Variants in CCSER1 observed in about 807,000 individuals in gnomAD.
CCSER1 encodes coiled-coil serine rich protein 1, also known as serine-rich coiled-coil domain-containing protein 1.
Under a neutral mutation model 82.0 loss-of-function variants are expected in CCSER1, and 41 were observed. The observed-to-expected ratio is 0.50, with a 90% confidence interval of 0.39 to 0.65. The LOEUF is 0.65. Among genes scored for constraint, CCSER1 ranks in the 30% least tolerant of loss-of-function variants. The pLI, the probability that CCSER1 is intolerant of heterozygous loss-of-function variation, is 0.00. For synonymous variants in CCSER1, 414 were observed against 383.9 expected, an observed-to-expected ratio of 1.08 and a Z score of -0.92; for missense variants, 1,119 against 1,064.2, an observed-to-expected ratio of 1.05 and a Z score of -0.72.
intron 10 of CCSER1, among the ~76,000 whole-genome samples, chr4:91,575,855 G>T (rs1250099574): frequency 2.0e-5 from 3 of 151,836 alleles, no homozygotes; most frequent in Admixed American, 1.3e-4. Flanking sequence ...ATATAAAAAG[G>T]GTTGGAAGGG....
At chr4:90,176,057 T>C (rs1398135644) in intron 1 of CCSER1, among the ~76,000 whole-genome samples, 1 of 151,928 alleles carries the variant, frequency 6.6e-6, no homozygotes, top group Non-Finnish European at 1.5e-5. Flanking sequence ...AATAGAGTGA[T>C]CTCAAGTTTT....
intron 1 of CCSER1, among the ~76,000 whole-genome samples, chr4:90,214,477 T>C (rs1008128680): frequency 2.0e-5 from 3 of 152,158 alleles, no homozygotes; most frequent in Non-Finnish European, 4.4e-5. Flanking sequence ...TAAAATGTGA[T>C]CACTCAGCAT....
chr4:91,536,732 C>T (rs541428112), intron 10 of CCSER1, among the ~76,000 whole-genome samples: 5 of 152,196 alleles, frequency 3.3e-5, no homozygotes, highest in South Asian at 4.1e-4. Flanking sequence ...GTAACCCTCT[C>T]GCTCACTTCT....
At chr4:90,351,975 A>G (rs1743528305) in intron 3 of CCSER1, among the ~76,000 whole-genome samples, 1 of 152,150 alleles carries the variant, frequency 6.6e-6, no homozygotes, top group Non-Finnish European at 1.5e-5. Context: ...TATATCCTCA[A>G]CTTTATAATT....
intron 7 of CCSER1, among the ~76,000 whole-genome samples, chr4:90,773,443 G>T (rs1752495876): frequency 6.6e-6 from 1 of 152,148 alleles, no homozygotes; most frequent in Non-Finnish European, 1.5e-5. Context: ...CACTAAAAAT[G>T]CTTGATGGGG....
chr4:91,538,698 C>CATATATTTTATATAT, intron 10 of CCSER1, among the ~76,000 whole-genome samples: 1 of 138,340 alleles, frequency 7.2e-6, no homozygotes, highest in African/African-American at 2.8e-5. Context: ...TATATATACA[C>CATATATTTTATATAT]ATATATATAT....
At chr4:91,136,898 T>G (rs1728516154) in intron 10 of CCSER1, among the ~76,000 whole-genome samples, 1 of 152,208 alleles carries the variant, frequency 6.6e-6, no homozygotes, top group Admixed American at 6.5e-5. Flanking sequence ...TGAAATAATT[T>G]GATTTTATAA....
chr4:91,441,733 G>A (rs931959598), intron 10 of CCSER1, among the ~76,000 whole-genome samples: 8 of 152,100 alleles, frequency 5.3e-5, no homozygotes, highest in Non-Finnish European at 1.2e-4. Flanking sequence ...CATTGTCTCA[G>A]CCCAAAATCT....
intron 10 of CCSER1, among the ~76,000 whole-genome samples, chr4:91,165,383 G>T (rs546344835): frequency 6.6e-6 from 1 of 152,208 alleles, no homozygotes; most frequent in Admixed American, 6.5e-5. Context: ...ACTGGGAAGT[G>T]TCAGGGACCC....
intron 8 of CCSER1, among the ~76,000 whole-genome samples, chr4:90,917,633 G>A (rs886757008): frequency 1.3e-5 from 2 of 151,924 alleles, no homozygotes; most frequent in Admixed American, 1.3e-4. Flanking sequence ...TGCACTTTGT[G>A]CACATGTACC....
At chr4:90,157,242 C>T (rs543299691) in intron 1 of CCSER1, among the ~76,000 whole-genome samples, 123 of 152,266 alleles carry the variant, frequency 8.1e-4, no homozygotes, top group East Asian at 1.4e-3. Context: ...CTGAGAGATC[C>T]GCTGTCAGTC....
intron 10 of CCSER1, among the ~76,000 whole-genome samples, chr4:91,347,487 T>A (rs1046294455): frequency 2.0e-5 from 3 of 152,094 alleles, no homozygotes; most frequent in Non-Finnish European, 4.4e-5. Context: ...ATTATTATTT[T>A]TTTTTTGCAT....
intron 1 of CCSER1, among the ~76,000 whole-genome samples, chr4:90,177,667 CA>C (rs1732953656): frequency 6.6e-6 from 1 of 152,088 alleles, no homozygotes; most frequent in Non-Finnish European, 1.5e-5. Context: ...CTAAATTCAT[CA>C]TTGCATTTGT....
At chr4:91,517,684 A>G (rs1760207679) in intron 10 of CCSER1, among the ~76,000 whole-genome samples, 1 of 151,886 alleles carries the variant, frequency 6.6e-6, no homozygotes, top group African/African-American at 2.4e-5. Flanking sequence ...ATTTGGAAGA[A>G]AGAATATACT....
At chr4:91,311,243 A>T (rs753976801) in intron 10 of CCSER1, among the ~76,000 whole-genome samples, 3 of 151,940 alleles carry the variant, frequency 2.0e-5, no homozygotes, top group Admixed American at 6.6e-5. Flanking sequence ...CCTGCTAAAA[A>T]GCTGTGCATA....
intron 1 of CCSER1, among the ~76,000 whole-genome samples, chr4:90,233,780 A>G (rs1334824104): frequency 1.3e-5 from 2 of 151,674 alleles, no homozygotes; most frequent in Non-Finnish European, 2.9e-5. Context: ...GCTGTTTATT[A>G]TCATTTGAAA....
chr4:90,748,845 G>T (rs1173833945), intron 7 of CCSER1, among the ~76,000 whole-genome samples: 1 of 149,906 alleles, frequency 6.7e-6, no homozygotes, highest in East Asian at 2.0e-4. Context: ...CTTTTGAGAA[G>T]TGTCTGTTCA....
At chr4:90,256,157 G>T (rs534176739) in intron 1 of CCSER1, among the ~76,000 whole-genome samples, 1 of 152,100 alleles carries the variant, frequency 6.6e-6, no homozygotes, top group Admixed American at 6.6e-5. Flanking sequence ...TCCATCTGAA[G>T]TTCTCTCTTG....
chr4:91,355,420 G>C (rs1023357804), intron 10 of CCSER1, among the ~76,000 whole-genome samples: 1 of 152,014 alleles, frequency 6.6e-6, no homozygotes, highest in Non-Finnish European at 1.5e-5. Context: ...CTTAAAATGG[G>C]TCATAACACA....
Sources: allele counts gnomAD v4.1 joint callset (sites outside exome capture counted in the v4.1 genomes callset), GRCh38; gene constraint gnomAD v4.1.1; transcripts MANE v1.5; gene names NCBI Gene and HGNC (gene_info 2026-07-23, HGNC 2026-07-21).